Variants in KCNB2 observed in about 807,000 individuals in gnomAD.
KCNB2 encodes potassium voltage-gated channel subfamily B member 2.
In KCNB2, 15 loss-of-function variants were observed where a neutral mutation model predicts 61.5. That is an observed-to-expected ratio of 0.24 (90% CI 0.16 to 0.38). The LOEUF is 0.38. Ranked by LOEUF, KCNB2 falls within the 10% of genes least tolerant of loss-of-function variation. The pLI, the probability that KCNB2 is intolerant of heterozygous loss-of-function variation, is 1.00. For synonymous variants in KCNB2, 457 were observed against 446.0 expected (o/e 1.02, Z -0.31); for missense variants, 828 against 1,125.2 (o/e 0.74, Z 3.78).
chr8:72,630,991 TG>T (rs1409172325), intron 2 of KCNB2, among the ~76,000 whole-genome samples: 2 of 152,220 alleles, frequency 1.3e-5, no homozygotes, highest in Non-Finnish European at 2.9e-5. Context: ...TACTGAACCC[TG>T]TATACAGTAT....
intron 2 of KCNB2, among the ~76,000 whole-genome samples, chr8:72,612,424 G>T (rs750717561): frequency 2.0e-5 from 3 of 152,140 alleles, no homozygotes; most frequent in Non-Finnish European, 4.4e-5. Flanking sequence ...AAGACTTGCT[G>T]GTGAATTTCT....
chr8:72,893,030 C>A (rs1214356254), intron 2 of KCNB2, among the ~76,000 whole-genome samples: 3 of 151,024 alleles, frequency 2.0e-5, no homozygotes, highest in African/African-American at 7.3e-5. Context: ...TTGCTTTGAC[C>A]TTAGGATAGT....
intron 2 of KCNB2, among the ~76,000 whole-genome samples, chr8:72,748,230 G>C (rs1300367088): frequency 6.6e-6 from 1 of 152,042 alleles, no homozygotes; most frequent in Admixed American, 6.5e-5. Flanking sequence ...TTCCTCATTG[G>C]TTCAAGTCTC....
intron 2 of KCNB2, among the ~76,000 whole-genome samples, chr8:72,725,847 G>C (rs973593427): frequency 6.6e-6 from 1 of 151,776 alleles, no homozygotes; most frequent in East Asian, 1.9e-4. Context: ...AATGAACTGA[G>C]TATAGGATTT....
chr8:72,606,562 A>T (rs1284611113), intron 2 of KCNB2, among the ~76,000 whole-genome samples: 2 of 152,164 alleles, frequency 1.3e-5, no homozygotes, highest in Non-Finnish European at 2.9e-5. Flanking sequence ...TTAATTTTTC[A>T]GCCTGGAGGC....
At chr8:72,636,087 G>A (rs192703525) in intron 2 of KCNB2, among the ~76,000 whole-genome samples, 27 of 152,292 alleles carry the variant, frequency 1.8e-4, no homozygotes, top group African/African-American at 6.0e-4. Context: ...CTCTTATTCG[G>A]ATGCTCAGAG....
intron 1 of KCNB2, among the ~76,000 whole-genome samples, chr8:72,565,890 A>T (rs1033438853): frequency 6.6e-6 from 1 of 152,218 alleles, no homozygotes; most frequent in African/African-American, 2.4e-5. Context: ...TGGTGATAGG[A>T]ATGTAATAAT....
intron 2 of KCNB2, among the ~76,000 whole-genome samples, chr8:72,868,109 T>C (rs181618237): frequency 2.0e-3 from 294 of 150,110 alleles, no homozygotes; most frequent in African/African-American, 6.8e-3. Context: ...TCTCACTCCA[T>C]TGCGCAGGCT....
chr8:72,781,085 A>ATTTG (rs1314288839), intron 2 of KCNB2, among the ~76,000 whole-genome samples: 1 of 151,578 alleles, frequency 6.6e-6, no homozygotes, highest in Non-Finnish European at 1.5e-5. Flanking sequence ...TTTCTTCTAA[A>ATTTG]TTTAAGTTGC....
intron 2 of KCNB2, among the ~76,000 whole-genome samples, chr8:72,816,380 C>A (rs1809397228): frequency 6.6e-6 from 1 of 152,174 alleles, no homozygotes; most frequent in Non-Finnish European, 1.5e-5. Context: ...GAGGGACCAT[C>A]TGAACAGATA....
chr8:72,587,406 A>T (rs1204482350), intron 2 of KCNB2, among the ~76,000 whole-genome samples: 3 of 152,074 alleles, frequency 2.0e-5, no homozygotes, highest in African/African-American at 7.2e-5. Flanking sequence ...ATCTAAATAC[A>T]CTTATGTAGT....
At chr8:72,761,213 C>T (rs192587420) in intron 2 of KCNB2, among the ~76,000 whole-genome samples, 95 of 152,314 alleles carry the variant, frequency 6.2e-4, no homozygotes, top group African/African-American at 2.2e-3. Context: ...GCCCCACTCT[C>T]TACCCTGCAT....
intron 2 of KCNB2, among the ~76,000 whole-genome samples, chr8:72,752,500 T>C (rs889368690): frequency 6.6e-6 from 1 of 152,154 alleles, no homozygotes; most frequent in Admixed American, 6.5e-5. Context: ...CTGCTGGAGC[T>C]GGGACATCTC....
rs575724186 is a variant in KCNB2, at chr8:72,891,018, A to C, written c.580-44917A>C. ...CATCGTCCTTAGAACCAGTAAAGTTACATAAGCGAAGACTGAATCCAAATG... is the reference window on the plus strand; with the variant it reads ...CATCGTCCTTAGAACCAGTAAAGTTCCATAAGCGAAGACTGAATCCAAATG... On this transcript the variant is annotated intron_variant, in intron 2 of 2. Transcript: ENST00000523207. Among the ~76,000 whole-genome samples the C allele has an allele frequency of 2.6e-5, 4 of 152,348 alleles. No homozygotes were observed. The East Asian group carries it at 7.7e-4, about 29-fold the overall frequency.
At chr8:72,675,021 G>C (rs1806628307) in intron 2 of KCNB2, among the ~76,000 whole-genome samples, 1 of 152,090 alleles carries the variant, frequency 6.6e-6, no homozygotes, top group South Asian at 2.1e-4. Flanking sequence ...TTGCTGGAGG[G>C]GTTGACTTCT....
At chr8:72,763,225 A>G (rs1305677876) in intron 2 of KCNB2, among the ~76,000 whole-genome samples, 1 of 152,070 alleles carries the variant, frequency 6.6e-6, no homozygotes, top group Non-Finnish European at 1.5e-5. Context: ...GGAGCAGTGC[A>G]CATAGCTCAC....
At chr8:72,807,702 G>T (rs1809247571) in intron 2 of KCNB2, among the ~76,000 whole-genome samples, 1 of 152,170 alleles carries the variant, frequency 6.6e-6, no homozygotes, top group South Asian at 2.1e-4. Context: ...TGACATCTGG[G>T]CAGGGGATAG....
intron 2 of KCNB2, among the ~76,000 whole-genome samples, chr8:72,644,228 C>T (rs1299546451): frequency 6.6e-6 from 1 of 151,824 alleles, no homozygotes; most frequent in African/African-American, 2.4e-5. Flanking sequence ...CCACATTAAA[C>T]CCTGATTTTA....
intron 2 of KCNB2, among the ~76,000 whole-genome samples, chr8:72,801,088 C>G (rs1380537630): frequency 6.6e-6 from 1 of 152,166 alleles, no homozygotes; most frequent in Non-Finnish European, 1.5e-5. Context: ...CCCCTACCCC[C>G]ACTCCAGGGA....
Sources: gnomAD v4.1 joint callset for allele counts (sites outside exome capture counted in the v4.1 genomes callset) on GRCh38, gnomAD v4.1.1 for gene constraint, MANE v1.5 for transcripts, NCBI Gene and HGNC (gene_info 2026-07-23, HGNC 2026-07-21) for gene names.